SLC22A16: variants seen among roughly 807,000 people sequenced by gnomAD.
SLC22A16 encodes WUGSC:RG331P03.1.
SLC22A16 carries 53 observed loss-of-function variants against 52.9 expected under a neutral mutation model. The ratio of observed to expected loss-of-function variants is 1.00; its 90% confidence interval spans 0.80 to 1.26. The LOEUF (loss-of-function observed/expected upper bound fraction) is 1.26. SLC22A16 is among the 50% of genes most tolerant of loss of function. The pLI is 0.00. For missense variants in SLC22A16, 726 were observed against 704.0 expected, an observed-to-expected ratio of 1.03 and a Z score of -0.35; for synonymous variants, 291 against 268.8, an observed-to-expected ratio of 1.08 and a Z score of -0.81.
At chr6:110,462,290 T>C (rs1775912334) in intron 1 of SLC22A16, among the ~76,000 whole-genome samples, 1 of 152,160 alleles carries the variant, frequency 6.6e-6, no homozygotes, top group African/African-American at 2.4e-5. Flanking sequence ...GCTCCAGCTA[T>C]ACAAAAAGAC....
chr6:110,438,980 G>A, intron 4 of SLC22A16, 133 bp from the exon 5 acceptor site: 2 of 1,124,028 alleles, frequency 1.8e-6, no homozygotes, highest in Non-Finnish European at 2.5e-6. Flanking sequence ...AACTCTCTAA[G>A]AATTGCTGCG....
At chr6:110,467,670 C>T (rs1260052519) in intron 1 of SLC22A16, among the ~76,000 whole-genome samples, 1 of 152,130 alleles carries the variant, frequency 6.6e-6, no homozygotes, top group Non-Finnish European at 1.5e-5. Context: ...TAGCCTGGGT[C>T]CCCCATCAGT....
intron 1 of SLC22A16, among the ~76,000 whole-genome samples, chr6:110,458,406 A>T (rs182426666): frequency 3.9e-5 from 6 of 152,022 alleles, no homozygotes; most frequent in African/African-American, 4.8e-5. Flanking sequence ...TATTTCTACG[A>T]TCTCTCGTCT....
chr6:110,476,557 G>T lies in SLC22A16; in HGVS notation c.18C>A (p.Phe6Leu), dbSNP rs1210625118. ...GCCCCACGTGGTCATAAATCCCCTC[G>T]AAGTGGCGGGACCCCATGGTGCGGC... MGSRH[F>L]EGIYDHVGHF... Residue 6 changes from phenylalanine (F) to leucine (L), a missense_variant, in exon 1 of 8, where the codon TTC (phenylalanine) becomes TTA (leucine). Physicochemically the swap from Phe to Leu is conservative, Grantham distance 22 (BLOSUM62 0). Coordinates refer to ENST00000368919, the MANE Select transcript of SLC22A16 (RefSeq NM_033125.4). 4.6e-6 allele frequency: 7 copies of T among 1,523,482 alleles called. No individual in the cohort carries two copies. The highest frequency in any genetic ancestry group is 6.1e-6 in the Non-Finnish European group (7 of 1,141,408). 94.4% of individuals were successfully genotyped at this position (1,523,482 alleles called of 1,614,324 possible).
chr6:110,424,696 C>A lies in SLC22A16; in HGVS notation c.*177G>T. On this transcript the variant is annotated 3_prime_UTR_variant, in exon 8 of 8. Coordinates refer to ENST00000368919, the MANE Select transcript of SLC22A16 (RefSeq NM_033125.4). ...AGCAATAAGAAAGCAGTTTTTAAAA[C>A]TGAGAATTTTCATCTTAGTTTTTAT... The A allele has an allele frequency of 1.3e-6, 1 of 751,848 alleles. No homozygotes were observed. Among genetic ancestry groups the A allele is most frequent in the South Asian group, 2.2e-5 (1 of 44,728 alleles). 46.6% of individuals were successfully genotyped at this position (751,848 alleles called of 1,614,324 possible).
chr6:110,445,466 T>C (rs1425733694), intron 3 of SLC22A16, among the ~76,000 whole-genome samples: 1 of 152,106 alleles, frequency 6.6e-6, no homozygotes, highest in Non-Finnish European at 1.5e-5. Flanking sequence ...GACAGCTGGG[T>C]CTGGTTTACT....
At chr6:110,454,611 T>TAATA (rs1303666165) in intron 2 of SLC22A16, among the ~76,000 whole-genome samples, 5 of 84,862 alleles carry the variant, frequency 5.9e-5, no homozygotes, top group African/African-American at 2.2e-4. Flanking sequence ...ATATTATATA[T>TAATA]TTTATATATA....
At chr6:110,428,298 G>A (rs1160014732) in intron 7 of SLC22A16, among the ~76,000 whole-genome samples, 1 of 151,994 alleles carries the variant, frequency 6.6e-6, no homozygotes, top group African/African-American at 2.4e-5. Context: ...AGATCCAAAG[G>A]AAGCACATTC....
intron 7 of SLC22A16, among the ~76,000 whole-genome samples, chr6:110,430,298 C>T (rs970958173): frequency 7.2e-5 from 11 of 152,012 alleles, no homozygotes; most frequent in African/African-American, 2.7e-4. Context: ...GTGTCACTGG[C>T]CAGTTCTACT....
At position 110,456,958 on chromosome 6, in the gene SLC22A16, T is replaced by C. The variant is rs1441067853; in HGVS notation, c.113A>G (p.Tyr38Cys). The change falls in exon 2 of 8, where the codon TAC becomes TGC. Residue 38 changes from tyrosine to cysteine, a missense_variant. Transcript: ENST00000368919. ...AFQNISCGIH[Y>C]LASVFMGVTP... ...GACTCCCATGAACACAGAAGCCAAGTAGTGAATACCACAAGAGATGTTCTG... is the reference window on the plus strand; with the variant it reads ...GACTCCCATGAACACAGAAGCCAAGCAGTGAATACCACAAGAGATGTTCTG... The C allele has an allele frequency of 1.9e-6, 3 of 1,598,890 alleles. No homozygotes were observed. In the African/African-American group the frequency reaches 4.0e-5, roughly 22 times the overall value.
chr6:110,425,133 G>A lies in SLC22A16; in HGVS notation c.1522-48C>T, dbSNP rs72937999. The A allele has an allele frequency of 4.5e-3, 7,296 of 1,606,070 alleles. 32 individuals are homozygous for A. The highest frequency in any genetic ancestry group is 4.8e-3 in the Non-Finnish European group (5,640 of 1,175,748). On this transcript the variant is annotated intron_variant, in intron 7 of 7. Transcript: ENST00000368919. ...ATAAGTGACACATCAAGAAAGGAAC[G>A]AACCCTTCGGAGAATAGAATTTCCT...
intron 2 of SLC22A16, among the ~76,000 whole-genome samples, chr6:110,448,482 G>T (rs920108384): frequency 2.2e-4 from 34 of 152,148 alleles, no homozygotes; most frequent in African/African-American, 7.2e-4. Context: ...AATATTGTCT[G>T]GAGAGTCCAA....
At chr6:110,433,440 G>T (rs1774588699) in intron 6 of SLC22A16, among the ~76,000 whole-genome samples, 1 of 152,164 alleles carries the variant, frequency 6.6e-6, no homozygotes, top group African/African-American at 2.4e-5. Flanking sequence ...CCTAGGGAAG[G>T]ATTTATGCTA....
chr6:110,444,740 G>C (rs1775101334), intron 3 of SLC22A16, among the ~76,000 whole-genome samples: 2 of 152,162 alleles, frequency 1.3e-5, no homozygotes, highest in South Asian at 2.1e-4. Context: ...TAATATTTTT[G>C]TGACAACAGC....
At chr6:110,429,363 T>C (rs1774403991) in intron 7 of SLC22A16, among the ~76,000 whole-genome samples, 1 of 152,172 alleles carries the variant, frequency 6.6e-6, no homozygotes, top group South Asian at 2.1e-4. Context: ...GAGACACTCA[T>C]GCCAAGCCAG....
At chr6:110,442,175 C>T (rs1292796648) in intron 4 of SLC22A16, 69 bp downstream of exon 4, 4 of 1,449,004 alleles carry the variant, frequency 2.8e-6, no homozygotes. Context: ...CACACAGAAA[C>T]AGACACACAC....
chr6:110,430,276 A>G (rs1774443122), intron 7 of SLC22A16, among the ~76,000 whole-genome samples: 1 of 152,066 alleles, frequency 6.6e-6, no homozygotes, highest in African/African-American at 2.4e-5. Context: ...CTTAACCAAA[A>G]GTGGAAGACA....
At chr6:110,461,353 G>A (rs1775875884) in intron 1 of SLC22A16, among the ~76,000 whole-genome samples, 1 of 152,154 alleles carries the variant, frequency 6.6e-6, no homozygotes, top group Admixed American at 6.5e-5. Flanking sequence ...CTGTGAAAGG[G>A]GCATGATAGG....
In SLC22A16 at chr6:110,442,231, T is replaced by C. The variant is rs1193413658; in HGVS notation, c.1183+13A>G. The C allele has an allele frequency of 6.2e-7, 1 of 1,609,166 alleles. No homozygotes were observed. Among genetic ancestry groups the C allele is most frequent in the Non-Finnish European group, 8.5e-7 (1 of 1,177,480 alleles). ...ACTTCACTGCCAAATTTAAATATAC[T>C]GTAACTACTTACCCAGGAGGAAGAG... is the stretch of plus-strand genomic sequence containing the variant. On this transcript the variant is annotated intron_variant, in intron 4 of 7. Coordinates refer to ENST00000368919, the MANE Select transcript of SLC22A16 (RefSeq NM_033125.4).
Sources: allele counts gnomAD v4.1 joint callset (sites outside exome capture counted in the v4.1 genomes callset), GRCh38; gene constraint gnomAD v4.1.1; transcripts MANE v1.5; gene names NCBI Gene and HGNC (gene_info 2026-07-23, HGNC 2026-07-21).